Variants in NINJ2 observed in about 807,000 individuals in gnomAD.
NINJ2 encodes ninjurin 2.
In NINJ2, 12 loss-of-function variants were observed where a neutral mutation model predicts 11.7. The observed-to-expected ratio is 1.02, with a 90% CI of 0.66 to 1.66. The LOEUF is 1.66. NINJ2 is among the 40% of genes most tolerant of loss of function. NINJ2 has a pLI of 0.00. For synonymous variants in NINJ2, 93 were observed against 76.8 expected (o/e 1.21, Z -1.10); for missense variants, 187 against 181.8 (o/e 1.03, Z -0.16).
In NINJ2 at chr12:585,508, GGTTGGAGGGAAGGGAAGGGA is replaced by G. The variant is rs1947622228; in HGVS notation, c.34-19350_34-19331del. Among the ~76,000 whole-genome samples the G allele has an allele frequency of 6.0e-5, 9 of 150,218 alleles. No individual in the cohort carries two copies. Among genetic ancestry groups the G allele is most frequent in the African/African-American group, 2.2e-4 (9 of 41,132 alleles). On this transcript the variant is annotated intron_variant, in intron 1 of 3. Transcript: ENST00000305108. This position sits in a 1 kb window ranked among gnomAD's most constrained non-coding sequence, Gnocchi z 4.1. ...ACGGTTGGAGGGAAGGGAAGGGAAC[GGTTGGAGGGAAGGGAAGGGA>G]ACGGTTGGAGGGAAGGGAAGGGAAC...
chr12:578,139 T>C (rs1195329444), intron 1 of NINJ2, among the ~76,000 whole-genome samples: 1 of 152,292 alleles, frequency 6.6e-6, no homozygotes, highest in Non-Finnish European at 1.5e-5. Flanking sequence ...TACCGGTGCA[T>C]GCAGCCCCCG....
intron 1 of NINJ2, among the ~76,000 whole-genome samples, chr12:611,691 G>A (rs1469981031): frequency 1.3e-5 from 2 of 152,240 alleles, no homozygotes; most frequent in African/African-American, 4.8e-5. Context: ...AAATCATTTA[G>A]TCTAAACTCC....
At chr12:599,780 C>T (rs922840466) in intron 1 of NINJ2, among the ~76,000 whole-genome samples, 5 of 152,224 alleles carry the variant, frequency 3.3e-5, no homozygotes, top group African/African-American at 7.2e-5. Flanking sequence ...CTCTCCTCCT[C>T]AGCTTGGTTG....
At chr12:587,074 GCA>G (rs534253388) in intron 1 of NINJ2, among the ~76,000 whole-genome samples, 1 of 152,228 alleles carries the variant, frequency 6.6e-6, no homozygotes, top group Non-Finnish European at 1.5e-5. Context: ...GGCTCCCCAA[GCA>G]CAGTTTCTTT....
chr12:620,165 G>A (rs1948135738), intron 1 of NINJ2, among the ~76,000 whole-genome samples: 1 of 152,236 alleles, frequency 6.6e-6, no homozygotes, highest in African/African-American at 2.4e-5. Flanking sequence ...GTGGGAAACT[G>A]GATGTCATAG....
chr12:660,491 C>A (rs535742124), intron 1 of NINJ2, among the ~76,000 whole-genome samples: 79 of 151,856 alleles, frequency 5.2e-4, no homozygotes, highest in Non-Finnish European at 8.8e-4. Flanking sequence ...CAGGCGTACA[C>A]CACCACGCCT....
At chr12:573,651 A>G (rs1265811169) in intron 1 of NINJ2, among the ~76,000 whole-genome samples, 1 of 152,198 alleles carries the variant, frequency 6.6e-6, no homozygotes, top group Non-Finnish European at 1.5e-5. Context: ...TATGCAGCCT[A>G]AGATGAAAGA....
In NINJ2 at chr12:566,162, G is replaced by T. The variant is rs776394869; in HGVS notation, c.50C>A (p.Pro17His). 6.2e-7 allele frequency: 1 copy of T among 1,613,560 alleles called. No individual in the cohort carries two copies. Among genetic ancestry groups the T allele is most frequent in the Non-Finnish European group, 8.5e-7 (1 of 1,179,740 alleles). Reference sequence around the variant, plus strand: ...GTTCAGGTTGATGGGCTGGCTCCTGGGGTCGGAGCTTCCAGGCTGTAGGGG... The same window carrying T: ...GTTCAGGTTGATGGGCTGGCTCCTGTGGTCGGAGCTTCCAGGCTGTAGGGG... ...NIDLQPGSSDPRSQPINLNHY... is the reference protein window; with the variant it reads ...NIDLQPGSSDHRSQPINLNHY... Residue 17 changes from proline (P) to histidine (H), a missense_variant, in exon 2 of 4, where the codon CCC becomes CAC. Transcript: ENST00000305108.
intron 1 of NINJ2, among the ~76,000 whole-genome samples, chr12:657,638 C>T (rs556787992): frequency 1.3e-5 from 2 of 152,154 alleles, no homozygotes; most frequent in South Asian, 4.1e-4. Context: ...GGCAAAAAAC[C>T]TGAACAGCCA....
intron 1 of NINJ2, among the ~76,000 whole-genome samples, chr12:588,684 C>T (rs945373785): frequency 9.9e-5 from 15 of 152,122 alleles, no homozygotes; most frequent in Admixed American, 5.9e-4. Flanking sequence ...CAAAGAGAAA[C>T]GGGGGGAACA....
At chr12:626,864 T>C (rs1365554415) in intron 1 of NINJ2, among the ~76,000 whole-genome samples, 2 of 152,140 alleles carry the variant, frequency 1.3e-5, no homozygotes, top group African/African-American at 2.4e-5. Context: ...GGCGGGAGGA[T>C]TGCTTGAGCC....
At chr12:652,178 G>GA (rs1274480435) in intron 1 of NINJ2, among the ~76,000 whole-genome samples, 5 of 151,028 alleles carry the variant, frequency 3.3e-5, no homozygotes, top group Admixed American at 1.3e-4. Context: ...GAATACACAA[G>GA]AAAAAAAAAT....
At chr12:577,416 C>CATATATATATATATAT (rs536829310) in intron 1 of NINJ2, among the ~76,000 whole-genome samples, 4 of 121,238 alleles carry the variant, frequency 3.3e-5, no homozygotes, top group Non-Finnish European at 7.1e-5. Flanking sequence ...ACACTAGTCT[C>CATATATATATATATAT]ATATATATAT....
chr12:630,612 G>A (rs1948268003), intron 1 of NINJ2, among the ~76,000 whole-genome samples: 1 of 152,188 alleles, frequency 6.6e-6, no homozygotes, highest in Non-Finnish European at 1.5e-5. Context: ...CCTGGCCTCA[G>A]GTGATCTGCC....
chr12:609,770 C>CAAAAAA (rs1185755822), intron 1 of NINJ2, among the ~76,000 whole-genome samples: 5 of 88,822 alleles, frequency 5.6e-5, no homozygotes, highest in African/African-American at 2.0e-4. Flanking sequence ...GACTCTGCCT[C>CAAAAAA]AAAAAAAAAA....
intron 1 of NINJ2, among the ~76,000 whole-genome samples, chr12:596,355 T>C (rs1301250088): frequency 6.6e-6 from 1 of 152,186 alleles, no homozygotes; most frequent in African/African-American, 2.4e-5. Flanking sequence ...GAACTCTGTG[T>C]AAACGATAGA....
rs1193683429 is a variant in NINJ2, at chr12:663,336, C to G, written c.25G>C (p.Asp9His). MESARENIDLQPGSSDPRS... is the reference protein window; with the variant it reads MESARENIHLQPGSSDPRS... ...TTCCAGAGAGAACTTACTTGAAGGT[C>G]GATGTTTTCTCTTGCTGATTCCATC... Residue 9 changes from aspartate to histidine, a missense_variant, in exon 1 of 4, where the codon GAC (aspartate) becomes CAC (histidine). Coordinates refer to ENST00000305108, the MANE Select transcript of NINJ2 (RefSeq NM_016533.6). The G allele has an allele frequency of 3.7e-6, 6 of 1,614,068 alleles. No individual in the cohort carries two copies. The South Asian group carries it at 4.4e-5, about 12-fold the overall frequency.
At chr12:575,202 ACACT>A (rs1235509490) in intron 1 of NINJ2, among the ~76,000 whole-genome samples, 5 of 152,186 alleles carry the variant, frequency 3.3e-5, no homozygotes, top group African/African-American at 9.7e-5. Context: ...AGGAAGGGAA[ACACT>A]CACACAAGCC....
chr12:627,060 G>T (rs1417587999), intron 1 of NINJ2, among the ~76,000 whole-genome samples: 1 of 152,112 alleles, frequency 6.6e-6, no homozygotes, highest in African/African-American at 2.4e-5. Context: ...ACACCGGCCT[G>T]GGTGACAGAG....
Sources: allele counts gnomAD v4.1 joint callset (sites outside exome capture counted in the v4.1 genomes callset), GRCh38; gene constraint gnomAD v4.1.1; non-coding constraint Gnocchi (gnomAD v3.1); transcripts MANE v1.5; gene names NCBI Gene and HGNC (gene_info 2026-07-23, HGNC 2026-07-21).